Variants in COG5 observed in about 807,000 individuals in gnomAD.
COG5 encodes conserved oligomeric Golgi complex subunit 5.
COG5 carries 86 observed loss-of-function variants against 110.4 expected under a neutral mutation model. That is an observed-to-expected ratio of 0.78 (90% CI 0.65 to 0.93). COG5 has a LOEUF of 0.93. COG5 is among the 40% of genes least tolerant of loss of function. The probability of loss-of-function intolerance (pLI) is 0.00; values close to 1 mark genes in which losing one functional copy is unlikely to be tolerated. For missense variants in COG5, 1,077 were observed against 987.0 expected (o/e 1.09, Z -1.22); for synonymous variants, 360 against 334.6 (o/e 1.08, Z -0.83).
At chr7:107,239,198 T>C (rs1388880948) in intron 17 of COG5, among the ~76,000 whole-genome samples, 1 of 152,218 alleles carries the variant, frequency 6.6e-6, no homozygotes, top group Non-Finnish European at 1.5e-5. Flanking sequence ...TTTTTACTAA[T>C]ACATATTTAT....
At position 107,203,324 on chromosome 7, in the gene COG5, AGGT is replaced by A. The variant is rs1194822763; in HGVS notation, c.*189_*191del. Reference sequence around the variant, plus strand: ...GAAAAATCAGGTCCATGGAATTGAAAGGTGGTGATAACTCAACATTTTTTATGC... The same window carrying A: ...GAAAAATCAGGTCCATGGAATTGAAAGGTGATAACTCAACATTTTTTATGC... On this transcript the variant is annotated 3_prime_UTR_variant, in exon 22 of 22. Transcript: ENST00000297135. The A allele has an allele frequency of 5.0e-6, 3 of 598,172 alleles. No individual in the cohort carries two copies. Among genetic ancestry groups the A allele is most frequent in the African/African-American group, 3.7e-5 (2 of 53,858 alleles). The allele number at this position is 598,172 out of a possible 1,614,324, so 37.1% of individuals were successfully genotyped here.
intron 8 of COG5, 25 bp downstream of exon 8, chr7:107,372,570 A>G (rs201540715): frequency 2.5e-6 from 4 of 1,610,272 alleles, no homozygotes; most frequent in Non-Finnish European, 2.5e-6. Context: ...TAAATAAAGA[A>G]GCTAAATATA....
chr7:107,515,422 T>C (rs1435638828), intron 6 of COG5, among the ~76,000 whole-genome samples: 1 of 152,140 alleles, frequency 6.6e-6, no homozygotes, highest in East Asian at 1.9e-4. Context: ...ACCATAAATA[T>C]ACTAACAATT....
intron 21 of COG5, among the ~76,000 whole-genome samples, chr7:107,206,750 G>C (rs963213850): frequency 6.6e-6 from 1 of 152,200 alleles, no homozygotes; most frequent in South Asian, 2.1e-4. Flanking sequence ...GATCAGAAAT[G>C]AGTTTGGTTA....
intron 17 of COG5, among the ~76,000 whole-genome samples, chr7:107,238,947 CCACTT>C (rs1293879095): frequency 2.0e-5 from 3 of 152,136 alleles, no homozygotes; most frequent in African/African-American, 7.2e-5. Context: ...GGTTGTCACT[CCACTT>C]GTTTTCTTTG....
At chr7:107,348,926 A>G (rs1584711686) in intron 10 of COG5, among the ~76,000 whole-genome samples, 1 of 151,702 alleles carries the variant, frequency 6.6e-6, no homozygotes. Flanking sequence ...CTGTGATGCC[A>G]TTATAGCCCA....
chr7:107,380,714 G>C (rs562024065), intron 7 of COG5, among the ~76,000 whole-genome samples: 2 of 152,108 alleles, frequency 1.3e-5, no homozygotes, highest in Non-Finnish European at 2.9e-5. Flanking sequence ...ATTCACAGCC[G>C]AATTCTACGA....
intron 7 of COG5, among the ~76,000 whole-genome samples, chr7:107,375,690 T>C (rs946228999): frequency 6.6e-6 from 1 of 152,048 alleles, no homozygotes; most frequent in Non-Finnish European, 1.5e-5. Flanking sequence ...TAACTAGTTG[T>C]TTTTTGTCAT....
At position 107,203,022 on chromosome 7, in the gene COG5, G is replaced by A. The variant is rs1798469027; in HGVS notation, c.*494C>T. ...CTGTCAGGCTCCCACTCCTAGACAT[G>A]TTAATTAATGTGGAGTGCAAGTTGG... On this transcript the variant is annotated 3_prime_UTR_variant, in exon 22 of 22. Coordinates refer to ENST00000297135, the MANE Select transcript of COG5 (RefSeq NM_006348.5). 1 of 159,182 alleles carries A rather than the reference G, an allele frequency of 6.3e-6. No individual in the cohort carries two copies. The highest frequency in any genetic ancestry group is 1.4e-5 in the Non-Finnish European group (1 of 72,270). The allele number at this position is 159,182 out of a possible 1,614,324, so 9.9% of individuals were successfully genotyped here.
In COG5 at chr7:107,546,435, G is replaced by T. The variant is rs543447673; in HGVS notation, c.417+1676C>A. Among the ~76,000 whole-genome samples the T allele has an allele frequency of 3.2e-3, 382 of 119,418 alleles. 1 individual carries two copies. The highest frequency in any genetic ancestry group is 4.7e-3 in the Non-Finnish European group (272 of 58,214). The allele number at this position is 119,418 out of a possible 152,430, so 78.3% of individuals were successfully genotyped here. A position where few individuals can be genotyped will look rare whatever the true frequency, so the allele number is the denominator to read the frequency against. The stretch of plus-strand genomic sequence containing the variant: ...ACCAAGAGTTGTGTTTTGGTTTTTT[G>T]TTTTTTTTTTTTTTTTTTGAGACAA... On this transcript the variant is annotated intron_variant, in intron 5 of 21. Transcript: ENST00000297135.
At chr7:107,296,262 T>A (rs1471688927) in intron 12 of COG5, among the ~76,000 whole-genome samples, 2 of 152,056 alleles carry the variant, frequency 1.3e-5, no homozygotes, top group Admixed American at 6.6e-5. Context: ...AATACAAAAT[T>A]AGGATTCCAC....
At chr7:107,246,440 G>T (rs1802065397) in intron 17 of COG5, among the ~76,000 whole-genome samples, 1 of 152,122 alleles carries the variant, frequency 6.6e-6, no homozygotes, top group African/African-American at 2.4e-5. Flanking sequence ...CTACAAAAAG[G>T]GAGAAAATAT....
chr7:107,533,561 T>C (rs1801363798), intron 5 of COG5, among the ~76,000 whole-genome samples: 1 of 151,484 alleles, frequency 6.6e-6, no homozygotes, highest in Admixed American at 6.6e-5. Context: ...GAAGAAAGGA[T>C]ATCAGAGACT....
chr7:107,268,198 A>T (rs1584598067), intron 14 of COG5, among the ~76,000 whole-genome samples: 1 of 151,956 alleles, frequency 6.6e-6, no homozygotes, highest in South Asian at 2.1e-4. Context: ...AAACTCCCGA[A>T]CTCAGGTGAT....
chr7:107,466,678 T>A (rs1165653169), intron 6 of COG5, among the ~76,000 whole-genome samples: 2 of 152,160 alleles, frequency 1.3e-5, no homozygotes, highest in African/African-American at 2.4e-5. Flanking sequence ...GTGAAAGAAA[T>A]GTAAAGTTGA....
At chr7:107,289,283 G>C (rs980573119) in intron 12 of COG5, among the ~76,000 whole-genome samples, 4 of 151,988 alleles carry the variant, frequency 2.6e-5, no homozygotes, top group Non-Finnish European at 5.9e-5. Flanking sequence ...TTTCTCGATT[G>C]AAAGAATGGT....
At chr7:107,297,159 C>A (rs1024735429) in intron 12 of COG5, among the ~76,000 whole-genome samples, 5 of 152,138 alleles carry the variant, frequency 3.3e-5, no homozygotes, top group Non-Finnish European at 5.9e-5. Flanking sequence ...GCAAATTCTA[C>A]ATCCAAGGAT....
At chr7:107,362,524 T>G in intron 8 of COG5, 104 bp from the exon 9 acceptor site, 2 of 729,312 alleles carry the variant, frequency 2.7e-6, no homozygotes, top group Non-Finnish European at 2.4e-6. Flanking sequence ...AAATGAGAAG[T>G]TCCTTCTTTA....
chr7:107,483,000 A>G (rs1286706953), intron 6 of COG5, among the ~76,000 whole-genome samples: 1 of 152,226 alleles, frequency 6.6e-6, no homozygotes, highest in African/African-American at 2.4e-5. Flanking sequence ...AAATACTTAC[A>G]AATTGTATTT....
Sources: gnomAD v4.1 joint callset for allele counts (sites outside exome capture counted in the v4.1 genomes callset) on GRCh38, gnomAD v4.1.1 for gene constraint, MANE v1.5 for transcripts, NCBI Gene and HGNC (gene_info 2026-07-23, HGNC 2026-07-21) for gene names.